Variants in RAPGEF1 observed in about 807,000 individuals in gnomAD.
RAPGEF1 encodes the protein Rap guanine nucleotide exchange factor 1, also known as CRK SH3-binding GNRP.
In RAPGEF1, 33 loss-of-function variants were observed where a neutral mutation model predicts 143.3. That is an observed-to-expected ratio of 0.23 (90% CI 0.17 to 0.31). The LOEUF (loss-of-function observed/expected upper bound fraction) is 0.31. Among genes scored for constraint, RAPGEF1 ranks in the 10% least tolerant of loss-of-function variants. The probability of loss-of-function intolerance (pLI) is 1.00; values close to 1 mark genes in which losing one functional copy is unlikely to be tolerated. For synonymous variants in RAPGEF1, 629 were observed against 676.5 expected (o/e 0.93, Z 1.09); for missense variants, 1,199 against 1,645.4 (o/e 0.73, Z 4.69).
At chr9:131,615,694 T>C (rs1958883489) in intron 12 of RAPGEF1, among the ~76,000 whole-genome samples, 1 of 152,232 alleles carries the variant, frequency 6.6e-6, no homozygotes, top group Admixed American at 6.5e-5. Flanking sequence ...CCTTCCCGAA[T>C]GGATGCTGGG....
chr9:131,712,999 C>A (rs1380196462), intron 1 of RAPGEF1, among the ~76,000 whole-genome samples: 3 of 152,154 alleles, frequency 2.0e-5, no homozygotes, highest in Non-Finnish European at 4.4e-5. Flanking sequence ...ATAGAGCCAT[C>A]CCCAAAGACC....
intron 1 of RAPGEF1, among the ~76,000 whole-genome samples, chr9:131,717,516 C>T (rs891113424): frequency 4.6e-5 from 7 of 152,116 alleles, no homozygotes; most frequent in African/African-American, 1.7e-4. Flanking sequence ...TGGCTCACAC[C>T]TGTAATCCTA....
rs1954387164 is a variant in RAPGEF1 at position 131,592,085 on chromosome 9, G to A, written c.2774+14C>T. On this transcript the variant is annotated intron_variant, in intron 18 of 26. Transcript: ENST00000683357. ...CCATGGTGCAGGGGCCCTGGGTCAG[G>A]AAGGAAAGGATATCTGTACTGCAGC... 6.3e-7 allele frequency: 1 copy of A among 1,592,804 alleles called. No homozygotes were observed. The highest frequency in any genetic ancestry group is 8.6e-7 in the Non-Finnish European group (1 of 1,160,826).
chr9:131,695,341 G>A (rs1441330224), intron 1 of RAPGEF1, among the ~76,000 whole-genome samples: 3 of 152,118 alleles, frequency 2.0e-5, no homozygotes, highest in South Asian at 2.1e-4. Flanking sequence ...CAATTGACCC[G>A]GCTTGTCTTC....
chr9:131,627,382 T>G (rs1963526338), intron 9 of RAPGEF1, among the ~76,000 whole-genome samples: 1 of 152,190 alleles, frequency 6.6e-6, no homozygotes, highest in African/African-American at 2.4e-5. Context: ...ATCTTGCTAT[T>G]AATCACTGAT....
intron 17 of RAPGEF1, among the ~76,000 whole-genome samples, chr9:131,594,487 C>T (rs1954894383): frequency 6.6e-6 from 1 of 152,176 alleles, no homozygotes; most frequent in Non-Finnish European, 1.5e-5. Flanking sequence ...CGGCCTCTCC[C>T]TGCCAAGCCC....
At chr9:131,703,725 C>T (rs750191316) in intron 1 of RAPGEF1, among the ~76,000 whole-genome samples, 3 of 152,208 alleles carry the variant, frequency 2.0e-5, no homozygotes, top group South Asian at 2.1e-4. Flanking sequence ...TCAGCCAAAC[C>T]GATGCTGTCT....
intron 1 of RAPGEF1, among the ~76,000 whole-genome samples, chr9:131,733,917 T>A (rs1837253142): frequency 6.6e-6 from 1 of 152,234 alleles, no homozygotes; most frequent in South Asian, 2.1e-4. Flanking sequence ...AAACCGCCTC[T>A]GCCAACAGCT....
chr9:131,688,112 A>G (rs1047446791), intron 1 of RAPGEF1, among the ~76,000 whole-genome samples: 3 of 152,226 alleles, frequency 2.0e-5, no homozygotes, highest in African/African-American at 7.2e-5. Context: ...TAGTTCGTGC[A>G]CAGTTACCTG....
intron 18 of RAPGEF1, among the ~76,000 whole-genome samples, chr9:131,591,174 T>C (rs1954180908): frequency 1.3e-5 from 2 of 152,218 alleles, no homozygotes; most frequent in Admixed American, 1.3e-4. Context: ...ATGGAGGATG[T>C]CCACGTCTGT....
In RAPGEF1 at chr9:131,579,182, G is replaced by A; in HGVS notation, c.*315C>T. On this transcript the variant is annotated 3_prime_UTR_variant, in exon 27 of 27. Transcript: ENST00000683357. Reference sequence around the variant, plus strand: ...TGCTGCTCTCTCCCTGGAGGGGAGTGGGTGGAAGGTCAAGAGGGGAGAGAT... The same window carrying A: ...TGCTGCTCTCTCCCTGGAGGGGAGTAGGTGGAAGGTCAAGAGGGGAGAGAT... The A allele has an allele frequency of 3.3e-6, 1 of 299,122 alleles. No individual in the cohort carries two copies. Among genetic ancestry groups the A allele is most frequent in the Non-Finnish European group, 6.4e-6 (1 of 156,218 alleles). The allele number at this position is 299,122 out of a possible 1,614,324, so 18.5% of individuals were successfully genotyped here. A position where few individuals can be genotyped will look rare whatever the true frequency, so the allele number is the denominator to read the frequency against.
intron 1 of RAPGEF1, among the ~76,000 whole-genome samples, chr9:131,700,033 C>A (rs1249692541): frequency 6.6e-5 from 10 of 152,210 alleles, no homozygotes. Context: ...AATCATCCCC[C>A]ACAATCTGTG....
At chr9:131,589,333 CCT>C (rs1953777480) in intron 19 of RAPGEF1, among the ~76,000 whole-genome samples, 3 of 152,246 alleles carry the variant, frequency 2.0e-5, no homozygotes, top group Admixed American at 6.5e-5. Context: ...GACTTCCCGG[CCT>C]CTCAGACTAG....
intron 1 of RAPGEF1, among the ~76,000 whole-genome samples, chr9:131,733,277 G>A (rs964249826): frequency 4.7e-5 from 7 of 149,174 alleles, no homozygotes; most frequent in African/African-American, 1.2e-4. Context: ...GCAGCAAACC[G>A]CCACGGCACA....
chr9:131,682,028 C>T (rs1832957248), intron 1 of RAPGEF1, among the ~76,000 whole-genome samples: 1 of 152,132 alleles, frequency 6.6e-6, no homozygotes, highest in Admixed American at 6.5e-5. Context: ...ATTATCAAGG[C>T]CTGTAATGGT....
In RAPGEF1 at chr9:131,655,996, G is replaced by C. The variant is rs1353983646; in HGVS notation, c.62-5047C>G. ...CTTATTTTGTCTGGAAAATGAGTGA[G>C]ATAACATTATATTTCTTGAGATGGC... On this transcript the variant is annotated intron_variant, in intron 1 of 26. Transcript: ENST00000683357. The surrounding 1 kb of genome is among the most constrained non-coding windows in gnomAD (Gnocchi z 4.1). Among the ~76,000 whole-genome samples, 4 of 152,198 alleles carry C rather than the reference G, an allele frequency of 2.6e-5. No homozygotes were observed. Among genetic ancestry groups the C allele is most frequent in the Admixed American group, 2.6e-4 (4 of 15,282 alleles).
At chr9:131,661,644 A>G (rs1460258811) in intron 1 of RAPGEF1, among the ~76,000 whole-genome samples, 1 of 152,226 alleles carries the variant, frequency 6.6e-6, no homozygotes, top group East Asian at 1.9e-4. Flanking sequence ...GATTCTTCGG[A>G]AAAAGAGCCC....
rs1837316604 is a variant in RAPGEF1, at chr9:131,734,862, T to C, written c.61+4908A>G. Among the ~76,000 whole-genome samples, 3 of 152,356 alleles carry C rather than the reference T, an allele frequency of 2.0e-5. No homozygotes were observed. In the South Asian group the frequency reaches 6.2e-4, roughly 32 times the overall value. ...TCACACATTTGAAACCGTAGCACAC[T>C]GAGCGTGAGACACCTATTTATTCCA... is the stretch of plus-strand genomic sequence containing the variant. On this transcript the variant is annotated intron_variant, in intron 1 of 26. Coordinates refer to ENST00000683357, the MANE Select transcript of RAPGEF1 (RefSeq NM_001377935.1).
At chr9:131,737,433 T>C in intron 1 of RAPGEF1, 1 of 1,613,902 alleles carries the variant, frequency 6.2e-7, no homozygotes, top group Non-Finnish European at 8.5e-7. Context: ...GGTCGCTCGG[T>C]CTGGCAGCCT....
Sources: allele counts gnomAD v4.1 joint callset (sites outside exome capture counted in the v4.1 genomes callset), GRCh38; gene constraint gnomAD v4.1.1; non-coding constraint Gnocchi (gnomAD v3.1); transcripts MANE v1.5; gene names NCBI Gene and HGNC (gene_info 2026-07-23, HGNC 2026-07-21).